Variants in PEX7 observed in about 807,000 individuals in gnomAD.
The protein encoded by PEX7 is PTS2 receptor.
A neutral mutation model predicts 47.5 loss-of-function variants in PEX7; 34 were observed. That is an observed-to-expected ratio of 0.72 (90% CI 0.54 to 0.95). PEX7 has a LOEUF of 0.95. PEX7 is among the 40% of genes least tolerant of loss of function. PEX7 has a pLI of 0.00. For missense variants in PEX7, 394 were observed against 400.3 expected (o/e 0.98, Z 0.13); for synonymous variants, 141 against 148.8 (o/e 0.95, Z 0.38).
At chr6:136,854,479 G>A (rs1000322781) in intron 5 of PEX7, among the ~76,000 whole-genome samples, 4 of 152,264 alleles carry the variant, frequency 2.6e-5, no homozygotes, top group South Asian at 2.1e-4. Flanking sequence ...GAGCTACTGC[G>A]CCTGGCCTGT....
At chr6:136,842,021 C>G (rs1203533853) in intron 3 of PEX7, among the ~76,000 whole-genome samples, 1 of 144,712 alleles carries the variant, frequency 6.9e-6, no homozygotes. Context: ...TTTTTTGAGA[C>G]AGGTTCTCAC....
At chr6:136,859,327 A>G (rs1361613020) in intron 5 of PEX7, among the ~76,000 whole-genome samples, 1 of 152,200 alleles carries the variant, frequency 6.6e-6, no homozygotes, top group Non-Finnish European at 1.5e-5. Context: ...CAGACATCAT[A>G]TTTCTAAATT....
intron 9 of PEX7, among the ~76,000 whole-genome samples, chr6:136,899,303 C>T (rs1309436397): frequency 3.3e-5 from 5 of 149,788 alleles, no homozygotes; most frequent in Admixed American, 1.3e-4. Context: ...AGTGCAGTGG[C>T]GCAATCTTGG....
chr6:136,885,621 G>C (rs1775455906), intron 8 of PEX7, among the ~76,000 whole-genome samples: 1 of 152,162 alleles, frequency 6.6e-6, no homozygotes, highest in Admixed American at 6.5e-5. Flanking sequence ...CATTGTAATA[G>C]ACAGTTTGAA....
intron 5 of PEX7, among the ~76,000 whole-genome samples, chr6:136,850,987 T>A (rs1346146069): frequency 2.9e-4 from 34 of 116,492 alleles, no homozygotes; most frequent in Non-Finnish European, 4.1e-4. Context: ...TTTATTTTTT[T>A]TTTATTTTTA....
At position 136,900,463 on chromosome 6, in the gene PEX7, C is replaced by T; in HGVS notation, c.903+2222C>T. The T allele has an allele frequency of 4.4e-6, 2 of 451,770 alleles. No homozygotes were observed. The highest frequency in any genetic ancestry group is 1.7e-5 in the South Asian group (1 of 59,584). 28.0% of individuals were successfully genotyped at this position (451,770 alleles called of 1,614,324 possible). A position where few individuals can be genotyped will look rare whatever the true frequency, so the allele number is the denominator to read the frequency against. ...CACAGACTTGGGACCAAGGACATTGCCCCCCCAGTGACAGCAGATCTCATC... is the reference window on the plus strand; with the variant it reads ...CACAGACTTGGGACCAAGGACATTGTCCCCCCAGTGACAGCAGATCTCATC... On this transcript the variant is annotated intron_variant, in intron 9 of 9. Transcript: ENST00000318471. The surrounding 1 kb of genome is among the most constrained non-coding windows in gnomAD (Gnocchi z 4.2).
chr6:136,831,700 A>T (rs1208772719), intron 3 of PEX7, among the ~76,000 whole-genome samples: 1 of 152,250 alleles, frequency 6.6e-6, no homozygotes, highest in African/African-American at 2.4e-5. Context: ...AAATGGGAGA[A>T]ATTGGCCAAA....
intron 8 of PEX7, among the ~76,000 whole-genome samples, chr6:136,875,133 C>G (rs1376190253): frequency 6.7e-6 from 1 of 149,172 alleles, no homozygotes; most frequent in East Asian, 2.0e-4. Context: ...GAGCAAAACT[C>G]TGTCTCAAAA....
At chr6:136,876,502 C>T (rs914965021) in intron 8 of PEX7, among the ~76,000 whole-genome samples, 1 of 152,150 alleles carries the variant, frequency 6.6e-6, no homozygotes, top group South Asian at 2.1e-4. Flanking sequence ...CCCCCACCCC[C>T]CAAAAGGCCC....
At chr6:136,881,229 A>G (rs1775371380) in intron 8 of PEX7, among the ~76,000 whole-genome samples, 1 of 152,178 alleles carries the variant, frequency 6.6e-6, no homozygotes, top group Non-Finnish European at 1.5e-5. Context: ...AACAGGAGGA[A>G]ACCTTAGAGC....
At chr6:136,858,525 A>G (rs1240294060) in intron 5 of PEX7, among the ~76,000 whole-genome samples, 3 of 152,174 alleles carry the variant, frequency 2.0e-5, no homozygotes, top group Admixed American at 2.0e-4. Flanking sequence ...CAGCAGCAGA[A>G]TTGTGGGCTT....
At chr6:136,860,842 G>A (rs1463411642) in intron 5 of PEX7, among the ~76,000 whole-genome samples, 1 of 152,144 alleles carries the variant, frequency 6.6e-6, no homozygotes, top group Admixed American at 6.5e-5. Flanking sequence ...CCCAGGTGAA[G>A]AAACAGAATG....
At chr6:136,891,393 T>C (rs866747759) in intron 8 of PEX7, among the ~76,000 whole-genome samples, 1 of 152,230 alleles carries the variant, frequency 6.6e-6, no homozygotes, top group Non-Finnish European at 1.5e-5. Flanking sequence ...TTGTGGAGTT[T>C]CTGGGTATTA....
intron 1 of PEX7, 21 bp downstream of exon 1, chr6:136,822,816 T>G: frequency 1.6e-6 from 2 of 1,251,888 alleles, no homozygotes; most frequent in Non-Finnish European, 1.0e-6. Context: ...GCCGCGCAGC[T>G]GGGGCCGGGG....
intron 1 of PEX7, among the ~76,000 whole-genome samples, chr6:136,824,311 C>T (rs749771896): frequency 1.3e-5 from 2 of 152,182 alleles, no homozygotes; most frequent in Non-Finnish European, 2.9e-5. Context: ...TATGATCCTC[C>T]TGTCTCAACC....
At chr6:136,913,367 A>G in intron 9 of PEX7, 91 bp from the exon 10 acceptor site, 1 of 852,726 alleles carries the variant, frequency 1.2e-6, no homozygotes, top group South Asian at 1.3e-5. Flanking sequence ...TGGATGATTT[A>G]CGACACTCTA....
intron 6 of PEX7, 48 bp from the exon 7 acceptor site, chr6:136,869,842 T>A (rs1352601125): frequency 7.3e-7 from 1 of 1,378,062 alleles, no homozygotes; most frequent in South Asian, 1.2e-5. Context: ...CTGCATACTG[T>A]TTAATTGCAA....
chr6:136,888,697 A>G (rs1582771828), intron 8 of PEX7, among the ~76,000 whole-genome samples: 1 of 152,256 alleles, frequency 6.6e-6, no homozygotes, highest in East Asian at 1.9e-4. Flanking sequence ...GGATGTGGAT[A>G]TGCTAAGTAC....
At chr6:136,823,497 A>G (rs1774125162) in intron 1 of PEX7, 2 of 256,510 alleles carry the variant, frequency 7.8e-6, no homozygotes, top group Non-Finnish European at 1.2e-5. Flanking sequence ...TGTTGAGGCT[A>G]CAATGAGCTG....
Sources: allele counts gnomAD v4.1 joint callset (sites outside exome capture counted in the v4.1 genomes callset), GRCh38; gene constraint gnomAD v4.1.1; non-coding constraint Gnocchi (gnomAD v3.1); transcripts MANE v1.5; gene names NCBI Gene and HGNC (gene_info 2026-07-23, HGNC 2026-07-21).